Variants in MINDY3 observed in about 807,000 individuals in gnomAD.
The protein encoded by MINDY3 is ubiquitin carboxyl-terminal hydrolase MINDY-3.
MINDY3 carries 38 observed loss-of-function variants against 69.2 expected under a neutral mutation model. The ratio of observed to expected loss-of-function variants is 0.55; its 90% confidence interval spans 0.42 to 0.72. MINDY3 has a LOEUF of 0.72. MINDY3 is among the 30% of genes least tolerant of loss of function. The pLI is 0.00. For missense variants in MINDY3, 522 were observed against 519.0 expected (o/e 1.01, Z -0.06); for synonymous variants, 192 against 180.1 (o/e 1.07, Z -0.53).
At chr10:15,797,907 C>T (rs1837956782) in intron 10 of MINDY3, among the ~76,000 whole-genome samples, 1 of 152,120 alleles carries the variant, frequency 6.6e-6, no homozygotes, top group African/African-American at 2.4e-5. Context: ...CTATTTCTAA[C>T]ACATTTTTCT....
intron 9 of MINDY3, among the ~76,000 whole-genome samples, chr10:15,819,602 C>T (rs188182025): frequency 7.2e-5 from 11 of 152,278 alleles, no homozygotes; most frequent in Non-Finnish European, 1.0e-4. Context: ...CCCCATCCTA[C>T]TTCAGGTACA....
At chr10:15,813,744 C>T (rs1308637641) in intron 10 of MINDY3, among the ~76,000 whole-genome samples, 1 of 152,120 alleles carries the variant, frequency 6.6e-6, no homozygotes, top group Non-Finnish European at 1.5e-5. Flanking sequence ...TTCCACTGTT[C>T]TTCACAGGCA....
intron 8 of MINDY3, among the ~76,000 whole-genome samples, chr10:15,824,016 T>C (rs1839934619): frequency 6.6e-6 from 1 of 152,192 alleles, no homozygotes; most frequent in Admixed American, 6.5e-5. Flanking sequence ...TCCAGTTTCT[T>C]TATCCATTGA....
intron 11 of MINDY3, among the ~76,000 whole-genome samples, chr10:15,792,387 T>C (rs1467438226): frequency 6.6e-6 from 1 of 152,108 alleles, no homozygotes; most frequent in Admixed American, 6.6e-5. Context: ...AGCTCATTTA[T>C]AGCTTGTACT....
intron 10 of MINDY3, among the ~76,000 whole-genome samples, chr10:15,802,828 G>C (rs528328188): frequency 6.6e-6 from 1 of 151,706 alleles, no homozygotes; most frequent in Non-Finnish European, 1.5e-5. Flanking sequence ...AAAAAATCAT[G>C]TTTTGCTCTT....
Position 15,833,796 on chromosome 10 carries a change from T to C in MINDY3, c.651-87A>G, listed in dbSNP as rs546921610. ...ACAGCAAAGTATAAAGTAATGACTT[T>C]TCACATTAAATTATGTAAGAATTTA... On this transcript the variant is annotated intron_variant, in intron 7 of 14. Coordinates refer to ENST00000277632, the MANE Select transcript of MINDY3 (RefSeq NM_024948.4). 1.8e-3 allele frequency: 1,501 copies of C among 853,344 alleles called. 6 individuals carry two copies. The highest frequency in any genetic ancestry group is 2.6e-3 in the Admixed American group (121 of 47,450). The allele number at this position is 853,344 out of a possible 1,614,324, so 52.9% of individuals were successfully genotyped here. A position where few individuals can be genotyped will look rare whatever the true frequency, so the allele number is the denominator to read the frequency against.
intron 12 of MINDY3, 139 bp downstream of exon 12, chr10:15,789,108 C>CTTAATCTTTGCCTTACATAGATTGCTA: frequency 3.8e-6 from 2 of 519,876 alleles, no homozygotes; most frequent in Non-Finnish European, 6.8e-6. Flanking sequence ...AGTTCGATTT[C>CTTAATCTTTGCCTTACATAGATTGCTA]TTAATCTTTG....
chr10:15,852,019 T>C (rs192653251), intron 1 of MINDY3, among the ~76,000 whole-genome samples: 103 of 152,302 alleles, frequency 6.8e-4, no homozygotes, highest in African/African-American at 2.2e-3. Flanking sequence ...ACTCTCCATA[T>C]AGATAAATCC....
chr10:15,788,405 A>ATGAC (rs1252166631), intron 12 of MINDY3, among the ~76,000 whole-genome samples: 1 of 152,170 alleles, frequency 6.6e-6, no homozygotes, highest in Non-Finnish European at 1.5e-5. Flanking sequence ...CAAAGAAAGT[A>ATGAC]TGACTGAACT....
At chr10:15,833,802 T>G (rs1017080157) in intron 7 of MINDY3, 93 bp from the exon 8 acceptor site, 8 of 814,888 alleles carry the variant, frequency 9.8e-6, no homozygotes, top group Middle Eastern at 3.5e-4. Flanking sequence ...ACTTTTCACA[T>G]TAAATTATGT....
At chr10:15,793,940 T>A (rs1837615414) in intron 11 of MINDY3, among the ~76,000 whole-genome samples, 1 of 152,120 alleles carries the variant, frequency 6.6e-6, no homozygotes, top group South Asian at 2.1e-4. Flanking sequence ...GAAGATGTGG[T>A]CTCATAGAGG....
At chr10:15,851,540 C>T (rs1401413586) in intron 1 of MINDY3, among the ~76,000 whole-genome samples, 2 of 152,010 alleles carry the variant, frequency 1.3e-5, no homozygotes, top group South Asian at 2.1e-4. Context: ...AAAACTCAAA[C>T]TTACCTATAG....
chr10:15,859,485 A>T (rs1834930919), intron 1 of MINDY3, among the ~76,000 whole-genome samples: 2 of 152,166 alleles, frequency 1.3e-5, no homozygotes, highest in South Asian at 4.1e-4. Flanking sequence ...CCAGCCTGTT[A>T]CAGTGCAAGA....
chr10:15,809,274 T>A (rs1400911024), intron 10 of MINDY3, among the ~76,000 whole-genome samples: 1 of 152,170 alleles, frequency 6.6e-6, no homozygotes. Context: ...CCTAACATAT[T>A]TGACATATTA....
chr10:15,781,649 C>G (rs1401311166), intron 14 of MINDY3, among the ~76,000 whole-genome samples: 1 of 152,068 alleles, frequency 6.6e-6, no homozygotes, highest in Non-Finnish European at 1.5e-5. Context: ...TCTGTCATTT[C>G]CTGGCTGCTT....
Position 15,834,541 on chromosome 10 carries a change from A to G in MINDY3, c.650+2T>C. On this transcript the variant is annotated splice_donor_variant, in intron 7 of 14. Coordinates refer to ENST00000277632, the MANE Select transcript of MINDY3 (RefSeq NM_024948.4). LOFTEE classifies it high-confidence loss of function. ...AGGAGACAAGAGATTTTAGTTAATT[A>G]CCTGCCATGTCCATATACAGGATCT... The G allele has an allele frequency of 6.2e-7, 1 of 1,604,664 alleles. No individual in the cohort carries two copies. The highest frequency in any genetic ancestry group is 1.7e-5 in the Admixed American group (1 of 59,154).
chr10:15,849,694 A>G (rs531435002), intron 1 of MINDY3, among the ~76,000 whole-genome samples: 1 of 152,230 alleles, frequency 6.6e-6, no homozygotes, highest in African/African-American at 2.4e-5. Flanking sequence ...AGGTGAGAGC[A>G]ATGGAGAGGG....
intron 1 of MINDY3, among the ~76,000 whole-genome samples, chr10:15,851,717 T>C (rs1834312700): frequency 6.6e-6 from 1 of 152,064 alleles, no homozygotes; most frequent in Non-Finnish European, 1.5e-5. Context: ...TCCTCCCTCC[T>C]GTCCAGTCCC....
intron 10 of MINDY3, among the ~76,000 whole-genome samples, chr10:15,803,704 G>C (rs1384053828): frequency 6.6e-6 from 1 of 152,082 alleles, no homozygotes; most frequent in Non-Finnish European, 1.5e-5. Flanking sequence ...TAAGGTCGCA[G>C]TCTAATAGAA....
Sources: allele counts gnomAD v4.1 joint callset (sites outside exome capture counted in the v4.1 genomes callset), GRCh38; gene constraint gnomAD v4.1.1; transcripts MANE v1.5; gene names NCBI Gene and HGNC (gene_info 2026-07-23, HGNC 2026-07-21).